The following ADCK1 variants were observed in gnomAD, a reference collection of about 807,000 sequenced individuals.
ADCK1 encodes aarF domain-containing protein kinase 1.
A neutral mutation model predicts 52.3 loss-of-function variants in ADCK1; 41 were observed. That is an observed-to-expected ratio of 0.78 (90% confidence interval 0.61 to 1.02). ADCK1 has a LOEUF of 1.02. Ranked by LOEUF, ADCK1 falls within the 50% of genes least tolerant of loss-of-function variation. The probability of loss-of-function intolerance (pLI) is 0.00; values close to 1 mark genes in which losing one functional copy is unlikely to be tolerated. For missense variants in ADCK1, 658 were observed against 679.5 expected (o/e 0.97, Z 0.35); for synonymous variants, 250 against 274.6 (o/e 0.91, Z 0.89).
chr14:77,906,037 T>C (rs146804859), intron 6 of ADCK1, among the ~76,000 whole-genome samples: 56 of 152,310 alleles, frequency 3.7e-4, no homozygotes, highest in African/African-American at 1.3e-3. Flanking sequence ...GCATTTCACT[T>C]GTATGTACAG....
At chr14:77,903,759 A>T (rs2083599174) in intron 6 of ADCK1, among the ~76,000 whole-genome samples, 1 of 152,068 alleles carries the variant, frequency 6.6e-6, no homozygotes, top group Admixed American at 6.6e-5. Flanking sequence ...GGAGCCCAGG[A>T]CTCTAGAAAT....
chr14:77,856,856 TATC>T (rs1379947464), intron 3 of ADCK1, among the ~76,000 whole-genome samples: 1 of 151,818 alleles, frequency 6.6e-6, no homozygotes, highest in Non-Finnish European at 1.5e-5. Flanking sequence ...ATACAAAAAT[TATC>T]CGGGTGTGGT....
intron 6 of ADCK1, among the ~76,000 whole-genome samples, chr14:77,907,342 TC>T (rs1417716495): frequency 1.3e-5 from 2 of 152,352 alleles, no homozygotes; most frequent in Non-Finnish European, 2.9e-5. Flanking sequence ...ACAAAATTTA[TC>T]ATCTGGTTAA....
In ADCK1 at chr14:77,804,372, A is replaced by T. The variant is rs148905864; in HGVS notation, c.-12+4202A>T. On this transcript the variant is annotated intron_variant, in intron 1 of 10. Transcript: ENST00000238561. ...ACACCTTATGGAAAACTCTAGCTCC[A>T]GTCTATTTAGATGCCATTCGGCTCC... Among the ~76,000 whole-genome samples, 368 of 152,334 alleles carry T rather than the reference A, an allele frequency of 2.4e-3. 3 individuals carry two copies. The highest frequency in any genetic ancestry group is 8.4e-3 in the African/African-American group (350 of 41,568).
intron 6 of ADCK1, among the ~76,000 whole-genome samples, chr14:77,904,256 A>T (rs1026119747): frequency 2.0e-5 from 3 of 152,208 alleles, no homozygotes; most frequent in Admixed American, 6.5e-5. Flanking sequence ...TACTCTGCTC[A>T]TAGTAGTGGG....
At chr14:77,927,924 G>A (rs2084234475) in intron 9 of ADCK1, among the ~76,000 whole-genome samples, 1 of 152,220 alleles carries the variant, frequency 6.6e-6, no homozygotes, top group African/African-American at 2.4e-5. Context: ...CGTAGGCTCT[G>A]AGCAGGAGAG....
At chr14:77,869,212 A>G (rs1446986951) in intron 4 of ADCK1, among the ~76,000 whole-genome samples, 1 of 152,116 alleles carries the variant, frequency 6.6e-6, no homozygotes, top group Admixed American at 6.5e-5. Flanking sequence ...CAACAAATGT[A>G]TTGTCTCACA....
At chr14:77,805,210 TAAAAAAAAA>T (rs558205777) in intron 1 of ADCK1, among the ~76,000 whole-genome samples, 4 of 101,484 alleles carry the variant, frequency 3.9e-5, no homozygotes, top group African/African-American at 1.5e-4. Flanking sequence ...CTGTCTCATT[TAAAAAAAAA>T]AAAAAAAAAA....
chr14:77,928,115 T>C (rs1387699963), intron 9 of ADCK1, among the ~76,000 whole-genome samples: 1 of 152,020 alleles, frequency 6.6e-6, no homozygotes, highest in East Asian at 1.9e-4. Context: ...GGAAGTAAGA[T>C]TGAGTTTCTG....
chr14:77,803,443 A>C (rs191490272), intron 1 of ADCK1, among the ~76,000 whole-genome samples: 18 of 152,302 alleles, frequency 1.2e-4, no homozygotes, highest in Non-Finnish European at 2.5e-4. Flanking sequence ...TCCGATGAAC[A>C]GTAAGTGCTT....
intron 6 of ADCK1, among the ~76,000 whole-genome samples, chr14:77,901,485 G>A (rs2083543051): frequency 6.6e-6 from 1 of 151,864 alleles, no homozygotes; most frequent in African/African-American, 2.4e-5. Flanking sequence ...CACCTCCCGG[G>A]TTCAGGCGAT....
chr14:77,823,956 T>C (rs553073492), intron 3 of ADCK1, among the ~76,000 whole-genome samples: 1 of 152,240 alleles, frequency 6.6e-6, no homozygotes, highest in African/African-American at 2.4e-5. Context: ...TGGAGTGAAG[T>C]GGTGTGATCT....
intron 9 of ADCK1, among the ~76,000 whole-genome samples, chr14:77,929,477 G>A (rs986919280): frequency 3.2e-4 from 49 of 152,114 alleles, no homozygotes; most frequent in African/African-American, 1.1e-3. Flanking sequence ...TAGAAGTGCC[G>A]GCCTCCCTCC....
chr14:77,836,769 C>CTTTTTT (rs1293120244), intron 3 of ADCK1, among the ~76,000 whole-genome samples: 15 of 75,260 alleles, frequency 2.0e-4, no homozygotes, highest in Non-Finnish European at 2.6e-4. Context: ...TTCTTTCTTT[C>CTTTTTT]TTTCTTTTTT....
intron 8 of ADCK1, among the ~76,000 whole-genome samples, chr14:77,924,823 C>T (rs1304175656): frequency 2.0e-5 from 3 of 152,226 alleles, no homozygotes; most frequent in Admixed American, 2.0e-4. Context: ...ACCCCCTTTA[C>T]AGGCTATTGT....
In ADCK1 at chr14:77,933,624, C is replaced by T. The variant is rs1595115953; in HGVS notation, c.*233C>T. 3.8e-6 allele frequency: 2 copies of T among 520,746 alleles called. No homozygotes were observed. The highest frequency in any genetic ancestry group is 6.2e-5 in the South Asian group (2 of 32,062). 32.3% of individuals were successfully genotyped at this position (520,746 alleles called of 1,614,324 possible). A position where few individuals can be genotyped will look rare whatever the true frequency, so the allele number is the denominator to read the frequency against. Reference sequence around the variant, plus strand: ...TCTCTTCTTCTCCAAGAAGACTCAGCAGCCTACATTCCCATTCCTGGTATG... The same window carrying T: ...TCTCTTCTTCTCCAAGAAGACTCAGTAGCCTACATTCCCATTCCTGGTATG... On this transcript the variant is annotated 3_prime_UTR_variant, in exon 11 of 11. Coordinates refer to ENST00000238561, the MANE Select transcript of ADCK1 (RefSeq NM_020421.4).
chr14:77,899,791 TG>T (rs2083491359), intron 6 of ADCK1, among the ~76,000 whole-genome samples: 1 of 152,092 alleles, frequency 6.6e-6, no homozygotes, highest in South Asian at 2.1e-4. Flanking sequence ...CATCAGTGGC[TG>T]GGCACAGTGG....
intron 4 of ADCK1, among the ~76,000 whole-genome samples, chr14:77,860,469 C>T (rs983764814): frequency 6.6e-6 from 1 of 152,172 alleles, no homozygotes; most frequent in Non-Finnish European, 1.5e-5. Flanking sequence ...GGAGCTGGCC[C>T]CAGGTACGCA....
rs910663441 is a variant in ADCK1, at chr14:77,882,965, C to A, written c.424-4126C>A. Among the ~76,000 whole-genome samples the A allele has an allele frequency of 9.1e-4, 120 of 132,256 alleles. 1 individual carries two copies. Among genetic ancestry groups the A allele is most frequent in the Admixed American group, 3.9e-3 (51 of 13,000 alleles). 86.8% of individuals were successfully genotyped at this position (132,256 alleles called of 152,430 possible). ...CATTTTTTCTTACACCACCCCCCCCCCCGTGCTTTTTTGCTCATTAAATGA... is the reference window on the plus strand; with the variant it reads ...CATTTTTTCTTACACCACCCCCCCCACCGTGCTTTTTTGCTCATTAAATGA... On this transcript the variant is annotated intron_variant, in intron 4 of 10. Transcript: ENST00000238561.
Sources: allele counts gnomAD v4.1 joint callset (sites outside exome capture counted in the v4.1 genomes callset), GRCh38; gene constraint gnomAD v4.1.1; transcripts MANE v1.5; gene names NCBI Gene and HGNC (gene_info 2026-07-23, HGNC 2026-07-21).